GBE1: variants seen among roughly 807,000 people sequenced by gnomAD.
GBE1 encodes the protein 1,4-alpha-glucan branching enzyme 1, also known as 1,4-alpha-glucan-branching enzyme.
GBE1 carries 70 observed loss-of-function variants against 88.8 expected under a neutral mutation model. The ratio of observed to expected loss-of-function variants is 0.79; its 90% CI spans 0.65 to 0.96. The LOEUF is 0.96. Among genes scored for constraint, GBE1 ranks in the 40% least tolerant of loss-of-function variants. The probability of loss-of-function intolerance (pLI) is 0.00; values close to 1 mark genes in which losing one functional copy is unlikely to be tolerated. For missense variants in GBE1, 872 were observed against 871.0 expected (o/e 1.00, Z -0.01); for synonymous variants, 284 against 300.1 (o/e 0.95, Z 0.56).
In GBE1 at chr3:81,519,591, T is replaced by C. The variant is rs556111851; in HGVS notation, c.1934+15604A>G. Among the ~76,000 whole-genome samples, 3 of 147,328 alleles carry C rather than the reference T, an allele frequency of 2.0e-5. No homozygotes were observed. In the East Asian group the frequency reaches 6.1e-4, roughly 30 times the overall value. On this transcript the variant is annotated intron_variant, in intron 14 of 15. Transcript: ENST00000429644. Reference sequence around the variant, plus strand: ...CACTTTATAAATAAGCTGGGGGGGGTTAAAATTTCTATTGTATATCATGTA... The same window carrying C: ...CACTTTATAAATAAGCTGGGGGGGGCTAAAATTTCTATTGTATATCATGTA...
At chr3:81,507,215 C>A (rs995309687) in intron 14 of GBE1, among the ~76,000 whole-genome samples, 1 of 151,770 alleles carries the variant, frequency 6.6e-6, no homozygotes, top group African/African-American at 2.4e-5. Flanking sequence ...TTTTAAAAAT[C>A]CCCCAATATT....
At chr3:81,590,168 TA>T (rs1161052727) in intron 9 of GBE1, among the ~76,000 whole-genome samples, 1 of 152,044 alleles carries the variant, frequency 6.6e-6, no homozygotes, top group African/African-American at 2.4e-5. Context: ...ATGGTGGATA[TA>T]AAAACAGTCT....
chr3:81,657,163 A>C (rs377055004), intron 3 of GBE1, among the ~76,000 whole-genome samples: 11 of 151,696 alleles, frequency 7.3e-5, no homozygotes, highest in South Asian at 6.2e-4. Flanking sequence ...ACAAAAAAAA[A>C]CAATAAATTT....
intron 3 of GBE1, among the ~76,000 whole-genome samples, chr3:81,661,685 C>G (rs575941433): frequency 2.2e-4 from 34 of 152,290 alleles, no homozygotes; most frequent in African/African-American, 7.7e-4. Flanking sequence ...GTTCTTGATT[C>G]AGATTTTGTG....
chr3:81,655,019 G>A (rs1462982868), intron 3 of GBE1: 2 of 152,114 alleles, frequency 1.3e-5, no homozygotes. Flanking sequence ...AAACATGAGG[G>A]TGGTAGGAGT....
chr3:81,535,190 G>A lies in GBE1; in HGVS notation c.1934+5C>T. 3 of 1,608,300 alleles carry A rather than the reference G, an allele frequency of 1.9e-6. No homozygotes were observed. Among genetic ancestry groups the A allele is most frequent in the Non-Finnish European group, 2.5e-6 (3 of 1,177,554 alleles). ...AGTCATATTCACTGGTAACAAAAAG[G>A]ATATTTCCCTGGCAATGCTGTTCCA... is the stretch of plus-strand genomic sequence containing the variant. On this transcript the variant is annotated splice_donor_5th_base_variant and intron_variant, in intron 14 of 15. Transcript: ENST00000429644.
chr3:81,511,321 A>C (rs1243955622), intron 14 of GBE1, among the ~76,000 whole-genome samples: 1 of 152,108 alleles, frequency 6.6e-6, no homozygotes, highest in African/African-American at 2.4e-5. Context: ...ACAAAAATTG[A>C]CAAGTGGGAC....
At chr3:81,491,921 A>G (rs181965511) in intron 15 of GBE1, among the ~76,000 whole-genome samples, 29 of 152,382 alleles carry the variant, frequency 1.9e-4, no homozygotes, top group Non-Finnish European at 3.5e-4. Flanking sequence ...AAAATCAGAC[A>G]TATTGATACA....
chr3:81,688,091 A>C (rs1455074622), intron 2 of GBE1, among the ~76,000 whole-genome samples: 1 of 152,250 alleles, frequency 6.6e-6, no homozygotes, highest in Non-Finnish European at 1.5e-5. Context: ...AGATCTGCAG[A>C]TGCATGAGTG....
At chr3:81,497,522 G>A (rs1702516463) in intron 15 of GBE1, among the ~76,000 whole-genome samples, 1 of 152,144 alleles carries the variant, frequency 6.6e-6, no homozygotes, top group Non-Finnish European at 1.5e-5. Flanking sequence ...TGCAAAAAAA[G>A]TTAAATTAAT....
chr3:81,725,533 C>T (rs1054350596), intron 1 of GBE1, among the ~76,000 whole-genome samples: 8 of 152,034 alleles, frequency 5.3e-5, no homozygotes, highest in Non-Finnish European at 1.2e-4. Context: ...TTTTAATATA[C>T]ATAGTAGTAG....
intron 13 of GBE1, among the ~76,000 whole-genome samples, chr3:81,535,618 T>TA (rs374474145): frequency 5.9e-4 from 90 of 152,134 alleles, no homozygotes; most frequent in African/African-American, 2.0e-3. Flanking sequence ...TACCTATACA[T>TA]ACTACAAAGT....
rs911869674 is a variant in GBE1, at chr3:81,619,890, C to T, written c.992+22891G>A. On this transcript the variant is annotated intron_variant, in intron 7 of 15. Coordinates refer to ENST00000429644, the MANE Select transcript of GBE1 (RefSeq NM_000158.4). ...TTTAAAATGAAGTTTTTCTTTTTAC[C>T]TTTTTTTGTAGATCTCTTAGAGTAA... Among the ~76,000 whole-genome samples, 11 of 151,720 alleles carry T rather than the reference C, an allele frequency of 7.3e-5. No individual in the cohort carries two copies. The East Asian group carries it at 2.1e-3, about 29-fold the overall frequency.
rs1469978835 is a variant in GBE1 at position 81,705,632 on chromosome 3, G to C, written c.144-19C>G. ...CTTATACCTTTGAAGAAGTATGAAA[G>C]AAAATGAGTTAGAAAATTAAATAGT... On this transcript the variant is annotated intron_variant, in intron 1 of 15. Coordinates refer to ENST00000429644, the MANE Select transcript of GBE1 (RefSeq NM_000158.4). 1.4e-6 allele frequency: 2 copies of C among 1,475,102 alleles called. No individual in the cohort carries two copies. Among genetic ancestry groups the C allele is most frequent in the Non-Finnish European group, 1.8e-6 (2 of 1,107,030 alleles). 91.4% of individuals were successfully genotyped at this position (1,475,102 alleles called of 1,614,324 possible).
intron 12 of GBE1, among the ~76,000 whole-genome samples, chr3:81,568,237 T>A (rs568304473): frequency 4.9e-4 from 75 of 152,002 alleles, no homozygotes; most frequent in Non-Finnish European, 8.8e-4. Context: ...AACCTCTGCC[T>A]CCCGGGTTCA....
intron 1 of GBE1, among the ~76,000 whole-genome samples, chr3:81,718,398 G>A (rs1705972609): frequency 6.6e-6 from 1 of 152,120 alleles, no homozygotes; most frequent in African/African-American, 2.4e-5. Flanking sequence ...CTATGTTCCA[G>A]GCATTGTTCT....
intron 7 of GBE1, among the ~76,000 whole-genome samples, chr3:81,642,024 AT>A (rs1239156659): frequency 1.3e-5 from 2 of 151,180 alleles, no homozygotes; most frequent in African/African-American, 4.8e-5. Flanking sequence ...TGACATTTTC[AT>A]TTTTTCACTT....
chr3:81,564,007 T>A (rs919744488), intron 12 of GBE1, among the ~76,000 whole-genome samples: 1 of 151,948 alleles, frequency 6.6e-6, no homozygotes, highest in East Asian at 1.9e-4. Flanking sequence ...AATGACAATA[T>A]CCCCTCTAAA....
chr3:81,656,753 A>G (rs1405044040), intron 3 of GBE1, among the ~76,000 whole-genome samples: 3 of 152,240 alleles, frequency 2.0e-5, no homozygotes, highest in African/African-American at 7.2e-5. Context: ...CTAATACGTT[A>G]CAGTGAACTT....
Sources: gnomAD v4.1 joint callset for allele counts (sites outside exome capture counted in the v4.1 genomes callset) on GRCh38, gnomAD v4.1.1 for gene constraint, MANE v1.5 for transcripts, NCBI Gene and HGNC (gene_info 2026-07-23, HGNC 2026-07-21) for gene names.